The following PTPRD variants were observed in gnomAD, a reference collection of about 807,000 sequenced individuals.
The protein encoded by PTPRD is receptor-type tyrosine-protein phosphatase delta.
A neutral mutation model predicts 214.5 loss-of-function variants in PTPRD; 34 were observed. That is an observed-to-expected ratio of 0.16 (90% confidence interval 0.12 to 0.21). The LOEUF is 0.21. PTPRD is among the 10% of genes least tolerant of loss of function. The pLI is 1.00. For missense variants in PTPRD, 2,545 were observed against 2,398.7 expected (o/e 1.06, Z -1.27); for synonymous variants, 1,128 against 845.7 (o/e 1.33, Z -5.79).
chr9:9,789,088 G>A (rs1389133876), intron 5 of PTPRD, among the ~76,000 whole-genome samples: 1 of 152,142 alleles, frequency 6.6e-6, no homozygotes, highest in Non-Finnish European at 1.5e-5. Flanking sequence ...CATCTGGAGG[G>A]ATCTTATAAC....
intron 14 of PTPRD, among the ~76,000 whole-genome samples, chr9:8,608,293 G>A (rs2095313653): frequency 6.6e-6 from 1 of 152,078 alleles, no homozygotes; most frequent in African/African-American, 2.4e-5. Flanking sequence ...ATGAAATAGG[G>A]ATGAAAAACG....
chr9:8,597,721 T>C (rs978955125), intron 14 of PTPRD, among the ~76,000 whole-genome samples: 2 of 152,176 alleles, frequency 1.3e-5, no homozygotes, highest in Admixed American at 1.3e-4. Context: ...CCCTGAACAC[T>C]GTGAGCCCTA....
intron 5 of PTPRD, among the ~76,000 whole-genome samples, chr9:9,820,985 G>T (rs574429391): frequency 3.3e-5 from 5 of 152,118 alleles, no homozygotes; most frequent in African/African-American, 1.2e-4. Context: ...ATGAATTTTA[G>T]AATAGTTTTC....
At chr9:8,800,273 T>A (rs2096544961) in intron 11 of PTPRD, among the ~76,000 whole-genome samples, 2 of 152,086 alleles carry the variant, frequency 1.3e-5, no homozygotes, top group African/African-American at 4.8e-5. Flanking sequence ...CTATTTGACA[T>A]CATGTCAGCC....
chr9:9,373,669 T>G (rs2139939102), intron 9 of PTPRD, among the ~76,000 whole-genome samples: 1 of 152,218 alleles, frequency 6.6e-6, no homozygotes, highest in Middle Eastern at 3.4e-3. Context: ...AATCTCCATT[T>G]CCTTCTCTCT....
chr9:9,485,186 A>C (rs1182625434), intron 8 of PTPRD, among the ~76,000 whole-genome samples: 1 of 152,210 alleles, frequency 6.6e-6, no homozygotes, highest in Admixed American at 6.5e-5. Context: ...AAACTGATAC[A>C]TGTTTTGAAA....
At chr9:9,611,912 T>C (rs972784884) in intron 7 of PTPRD, among the ~76,000 whole-genome samples, 6 of 152,150 alleles carry the variant, frequency 3.9e-5, no homozygotes, top group African/African-American at 1.4e-4. Context: ...TCTCCTGTAG[T>C]AATTTCATAT....
intron 7 of PTPRD, among the ~76,000 whole-genome samples, chr9:9,729,476 T>C (rs1286839908): frequency 6.6e-6 from 1 of 152,138 alleles, no homozygotes; most frequent in Non-Finnish European, 1.5e-5. Context: ...AAGGAAAATA[T>C]GATTTTCTAT....
intron 11 of PTPRD, among the ~76,000 whole-genome samples, chr9:8,988,151 A>G (rs910960299): frequency 6.6e-6 from 1 of 152,118 alleles, no homozygotes; most frequent in South Asian, 2.1e-4. Flanking sequence ...GTTGTAGTTC[A>G]TATTATAAAA....
At chr9:9,252,867 G>GC (rs2099976072) in intron 9 of PTPRD, among the ~76,000 whole-genome samples, 1 of 152,010 alleles carries the variant, frequency 6.6e-6, no homozygotes, top group Non-Finnish European at 1.5e-5. Flanking sequence ...CCAATCACAC[G>GC]CAAGAGTAGA....
chr9:9,332,189 C>T (rs1211412145), intron 9 of PTPRD, among the ~76,000 whole-genome samples: 1 of 151,934 alleles, frequency 6.6e-6, no homozygotes, highest in African/African-American at 2.4e-5. Context: ...TTGAATCAGT[C>T]ATTTATGTGC....
chr9:9,971,183 TA>T (rs927488066), intron 4 of PTPRD, among the ~76,000 whole-genome samples: 1 of 152,098 alleles, frequency 6.6e-6, no homozygotes, highest in Admixed American at 6.6e-5. Context: ...ATAAGCTAAT[TA>T]AAAAAATAAA....
At chr9:8,657,149 C>T (rs1053220941) in intron 12 of PTPRD, among the ~76,000 whole-genome samples, 1 of 148,144 alleles carries the variant, frequency 6.8e-6, no homozygotes, top group African/African-American at 2.5e-5. Flanking sequence ...AGTGTCTGTT[C>T]ATGTCTTTTG....
At chr9:9,362,810 G>A (rs1016631832) in intron 9 of PTPRD, among the ~76,000 whole-genome samples, 1 of 151,258 alleles carries the variant, frequency 6.6e-6, no homozygotes, top group Non-Finnish European at 1.5e-5. Flanking sequence ...ATTGCCTTTT[G>A]AAAGTGATAG....
At chr9:9,136,328 G>A (rs1028844508) in intron 10 of PTPRD, among the ~76,000 whole-genome samples, 3 of 151,812 alleles carry the variant, frequency 2.0e-5, no homozygotes, top group African/African-American at 7.3e-5. Flanking sequence ...ATAAGGTGTT[G>A]GTAGCATTCT....
intron 8 of PTPRD, among the ~76,000 whole-genome samples, chr9:9,540,248 T>C (rs1328129940): frequency 1.5e-5 from 2 of 130,070 alleles, no homozygotes; most frequent in African/African-American, 5.8e-5. Context: ...CACACAGTCA[T>C]TCATTTAACA....
At chr9:10,401,582 A>C (rs10959091) in intron 2 of PTPRD, among the ~76,000 whole-genome samples, 1 of 147,466 alleles carries the variant, frequency 6.8e-6, no homozygotes, top group Non-Finnish European at 1.5e-5. Context: ...TATATATATA[A>C]ACAGGTACAT....
At position 8,688,943 on chromosome 9, in the gene PTPRD, C is replaced by T. The variant is rs549893683; in HGVS notation, c.64+44837G>A. 2.0e-5 allele frequency among the ~76,000 whole-genome samples: 3 copies of T among 152,292 alleles called. No homozygotes were observed. In the East Asian group the frequency reaches 5.8e-4, roughly 29 times the overall value. On this transcript the variant is annotated intron_variant, in intron 12 of 45. Transcript: ENST00000381196. ...TCATATCATTAGTACCATCAACACACATGAATGCATTTGAAGAATGTTCTA... is the reference window on the plus strand; with the variant it reads ...TCATATCATTAGTACCATCAACACATATGAATGCATTTGAAGAATGTTCTA...
At chr9:10,444,583 T>C (rs530339370) in intron 2 of PTPRD, among the ~76,000 whole-genome samples, 1 of 151,946 alleles carries the variant, frequency 6.6e-6, no homozygotes, top group South Asian at 2.1e-4. Context: ...AAAGACAAGA[T>C]ACATGCCTAC....
Sources: allele counts gnomAD v4.1 joint callset (sites outside exome capture counted in the v4.1 genomes callset), GRCh38; gene constraint gnomAD v4.1.1; transcripts MANE v1.5; gene names NCBI Gene and HGNC (gene_info 2026-07-23, HGNC 2026-07-21).